The following SLC6A20 variants were observed in gnomAD, a reference collection of about 807,000 sequenced individuals.
The protein encoded by SLC6A20 is sodium- and chloride-dependent transporter XTRP3.
SLC6A20 carries 73 observed loss-of-function variants against 64.3 expected under a neutral mutation model. The observed-to-expected ratio is 1.14, with a 90% CI of 0.94 to 1.38. SLC6A20 has a LOEUF of 1.38. SLC6A20 is among the 40% of genes most tolerant of loss of function. The pLI, the probability that SLC6A20 is intolerant of heterozygous loss-of-function variation, is 0.00. For synonymous variants in SLC6A20, 347 were observed against 329.6 expected, an observed-to-expected ratio of 1.05 and a Z score of -0.57; for missense variants, 725 against 772.8, an observed-to-expected ratio of 0.94 and a Z score of 0.73.
chr3:45,770,191 C>G lies in SLC6A20; in HGVS notation c.1098+18G>C. 6.2e-7 allele frequency: 1 copy of G among 1,614,006 alleles called. No homozygotes were observed. The highest frequency in any genetic ancestry group is 8.5e-7 in the Non-Finnish European group (1 of 1,179,900). ...GTGTGGAGAGAAGCCAGTCCTTGAC[C>G]TTGCCTGGGCATCTTACCGTGTCTA... On this transcript the variant is annotated intron_variant, in intron 7 of 10. Coordinates refer to ENST00000358525, the MANE Select transcript of SLC6A20 (RefSeq NM_020208.4).
intron 1 of SLC6A20, among the ~76,000 whole-genome samples, chr3:45,784,189 T>C (rs1700138746): frequency 6.6e-6 from 1 of 152,228 alleles, no homozygotes; most frequent in African/African-American, 2.4e-5. Context: ...CCCTAGGCAT[T>C]AATCATTTCT....
chr3:45,771,111 A>G, intron 6 of SLC6A20, 106 bp downstream of exon 6: 1 of 1,506,202 alleles, frequency 6.6e-7, no homozygotes, highest in Non-Finnish European at 9.0e-7. Context: ...TGAGCCCTGG[A>G]TTGAGGACTC....
chr3:45,780,275 G>C (rs1471394438), intron 2 of SLC6A20, among the ~76,000 whole-genome samples, 175 bp from the exon 3 acceptor site: 3 of 152,206 alleles, frequency 2.0e-5, no homozygotes, highest in Non-Finnish European at 4.4e-5. Context: ...TGAACACTTG[G>C]GAAGGGTGAT....
chr3:45,784,203 A>T (rs1405754186), intron 1 of SLC6A20, among the ~76,000 whole-genome samples: 1 of 152,066 alleles, frequency 6.6e-6, no homozygotes, highest in African/African-American at 2.4e-5. Context: ...CATTTCTGTC[A>T]CTCCTGACCC....
chr3:45,770,990 C>T (rs1214463163), intron 6 of SLC6A20, among the ~76,000 whole-genome samples: 1 of 152,164 alleles, frequency 6.6e-6, no homozygotes, highest in Non-Finnish European at 1.5e-5. Context: ...CATTGTATGT[C>T]CTATTATGCT....
At position 45,796,196 on chromosome 3, in the gene SLC6A20, G is replaced by T. The variant is rs956168308; in HGVS notation, c.121+103C>A. 1.7e-5 allele frequency: 26 copies of T among 1,497,968 alleles called. No individual in the cohort carries two copies. The African/African-American group carries it at 3.4e-4, about 20-fold the overall frequency. 92.8% of individuals were successfully genotyped at this position (1,497,968 alleles called of 1,614,324 possible). A position where few individuals can be genotyped will look rare whatever the true frequency, so the allele number is the denominator to read the frequency against. On this transcript the variant is annotated intron_variant, in intron 1 of 10. Coordinates refer to ENST00000358525, the MANE Select transcript of SLC6A20 (RefSeq NM_020208.4). ...TCGGACAAATCACGCTCGCTTTCCCGGCCTCAGTGTGCCGTTCTGTAACTT... is the reference window on the plus strand; with the variant it reads ...TCGGACAAATCACGCTCGCTTTCCCTGCCTCAGTGTGCCGTTCTGTAACTT...
chr3:45,779,274 C>T (rs1341960344), intron 3 of SLC6A20, among the ~76,000 whole-genome samples: 1 of 152,124 alleles, frequency 6.6e-6, no homozygotes, highest in African/African-American at 2.4e-5. Flanking sequence ...GAGAGTGAAA[C>T]GGTAGGAGCC....
chr3:45,769,266 G>A (rs1243207314), intron 7 of SLC6A20, among the ~76,000 whole-genome samples: 1 of 152,108 alleles, frequency 6.6e-6, no homozygotes, highest in African/African-American at 2.4e-5. Flanking sequence ...GTATGTTCCT[G>A]AGTCAAATAT....
rs1390099567 is a variant in SLC6A20, at chr3:45,763,062, G to C, written c.1314C>G (p.Cys438Trp). ...LPKEAISGLV[C>W]LVNCAIGMVF... ...CCATGCCAATGGCACAGTTGACAAGGCACACCAGACCTGGGGGCCACAAGA... is the reference window on the plus strand; with the variant it reads ...CCATGCCAATGGCACAGTTGACAAGCCACACCAGACCTGGGGGCCACAAGA... Residue 438 changes from cysteine (C) to tryptophan (W), a missense_variant, in exon 9 of 11, where the codon TGC becomes TGG. Physicochemically the swap from Cys to Trp is radical, Grantham distance 215 (BLOSUM62 -2). Transcript: ENST00000358525. 4 of 1,613,912 alleles carry C rather than the reference G, an allele frequency of 2.5e-6. No homozygotes were observed. In the African/African-American group the frequency reaches 4.0e-5, roughly 16 times the overall value.
intron 9 of SLC6A20, among the ~76,000 whole-genome samples, chr3:45,762,046 G>A (rs955988611): frequency 2.0e-5 from 3 of 152,152 alleles, no homozygotes; most frequent in Non-Finnish European, 2.9e-5. Flanking sequence ...CAGCCTCCTC[G>A]CCCAAACCGC....
Position 45,783,159 on chromosome 3 carries a change from G to A in SLC6A20, c.122-936C>T, listed in dbSNP as rs556940834. On this transcript the variant is annotated intron_variant, in intron 1 of 10. Coordinates refer to ENST00000358525, the MANE Select transcript of SLC6A20 (RefSeq NM_020208.4). Reference sequence around the variant, plus strand: ...TGGGAGAGTAGCAACTCTGCTCCCTGCCCTTGAGGTTCCCTGCTGTTGGTG... The same window carrying A: ...TGGGAGAGTAGCAACTCTGCTCCCTACCCTTGAGGTTCCCTGCTGTTGGTG... 1.4e-4 allele frequency among the ~76,000 whole-genome samples: 21 copies of A among 152,306 alleles called. No homozygotes were observed. In the South Asian group the frequency reaches 4.1e-3, roughly 30 times the overall value.
At chr3:45,762,890 A>T (rs766819372) in intron 9 of SLC6A20, 23 bp downstream of exon 9, 3 of 1,612,586 alleles carry the variant, frequency 1.9e-6, no homozygotes, top group Non-Finnish European at 2.5e-6. Flanking sequence ...CCCTATGCAA[A>T]TGAGGGTCCT....
chr3:45,776,229 T>TC (rs1440888306), intron 3 of SLC6A20, among the ~76,000 whole-genome samples: 1 of 152,012 alleles, frequency 6.6e-6, no homozygotes, highest in African/African-American at 2.4e-5. Context: ...CTACGGGTGT[T>TC]CCTTGAGGAC....
intron 10 of SLC6A20, among the ~76,000 whole-genome samples, chr3:45,759,328 A>G (rs1007290689): frequency 6.6e-6 from 1 of 152,228 alleles, no homozygotes; most frequent in Non-Finnish European, 1.5e-5. Context: ...TTTTTCTTCC[A>G]TAAACTAGGA....
intron 1 of SLC6A20, among the ~76,000 whole-genome samples, chr3:45,796,064 C>T (rs995422949): frequency 1.3e-5 from 2 of 152,144 alleles, no homozygotes; most frequent in African/African-American, 4.8e-5. Flanking sequence ...GGGGCTTGGC[C>T]GCCCCCGGGA....
chr3:45,763,530 C>A (rs772727411), intron 8 of SLC6A20, among the ~76,000 whole-genome samples: 1 of 152,188 alleles, frequency 6.6e-6, no homozygotes, highest in East Asian at 1.9e-4. Flanking sequence ...CTTGCCTCCA[C>A]CCAGAAGAGG....
intron 2 of SLC6A20, 87 bp from the exon 3 acceptor site, chr3:45,780,187 G>T: frequency 7.4e-7 from 1 of 1,345,832 alleles, no homozygotes. Flanking sequence ...GGACACACCT[G>T]TGGCGACCGC....
chr3:45,781,352 T>C (rs1700081774), intron 2 of SLC6A20, among the ~76,000 whole-genome samples: 1 of 152,190 alleles, frequency 6.6e-6, no homozygotes, highest in Non-Finnish European at 1.5e-5. Context: ...CCCTCTTTGC[T>C]CCTGAAACGT....
rs916450686 is a variant in SLC6A20, at chr3:45,793,334, G to GT, written c.121+2964dup. On this transcript the variant is annotated intron_variant, in intron 1 of 10. Coordinates refer to ENST00000358525, the MANE Select transcript of SLC6A20 (RefSeq NM_020208.4). ...TCCGTGCACAGGTTTATGTAAAATA[G>GT]TTAGTGCAGTATTTGCTTTTTACAC... Among the ~76,000 whole-genome samples, 420 of 152,298 alleles carry GT rather than the reference G, an allele frequency of 2.8e-3. 2 individuals are homozygous for GT. Among genetic ancestry groups the GT allele is most frequent in the African/African-American group, 9.8e-3 (409 of 41,570 alleles).
Sources: gnomAD v4.1 joint callset for allele counts (sites outside exome capture counted in the v4.1 genomes callset) on GRCh38, gnomAD v4.1.1 for gene constraint, MANE v1.5 for transcripts, NCBI Gene and HGNC (gene_info 2026-07-23, HGNC 2026-07-21) for gene names.